The following CMTM4 variants were observed in gnomAD, a reference collection of about 807,000 sequenced individuals.
The protein encoded by CMTM4 is CKLF-like MARVEL transmembrane domain-containing protein 4.
Under a neutral mutation model 19.0 loss-of-function variants are expected in CMTM4, and 8 were observed. That is an observed-to-expected ratio of 0.42 (90% CI 0.25 to 0.76). CMTM4 has a LOEUF of 0.76. Among genes scored for constraint, CMTM4 ranks in the 30% least tolerant of loss-of-function variants. The pLI, the probability that CMTM4 is intolerant of heterozygous loss-of-function variation, is 0.27. For synonymous variants in CMTM4, 106 were observed against 121.1 expected, an observed-to-expected ratio of 0.88 and a Z score of 0.82; for missense variants, 228 against 290.2, an observed-to-expected ratio of 0.79 and a Z score of 1.56.
downstream of CMTM4, among the ~76,000 whole-genome samples, chr16:66,610,585 A>G (rs1267033280): frequency 6.6e-6 from 1 of 152,128 alleles, no homozygotes; most frequent in Non-Finnish European, 1.5e-5. The surrounding 1 kb of genome is among the most constrained non-coding windows in gnomAD (Gnocchi z 4.6). Flanking sequence ...AGAGCTGGGT[A>G]CTGACAGATG....
intron 2 of CMTM4, among the ~76,000 whole-genome samples, chr16:66,629,358 G>C (rs988394459): frequency 6.6e-6 from 1 of 152,114 alleles, no homozygotes; most frequent in Non-Finnish European, 1.5e-5. Flanking sequence ...TAATGTTGAT[G>C]ACAGTAGCAG....
intron 1 of CMTM4, among the ~76,000 whole-genome samples, chr16:66,643,522 T>C (rs560831521): frequency 6.6e-6 from 1 of 152,184 alleles, no homozygotes; most frequent in Non-Finnish European, 1.5e-5. Context: ...ATTCTTCAGA[T>C]CATCAAATGC....
intron 1 of CMTM4, among the ~76,000 whole-genome samples, chr16:66,656,619 C>T (rs1165759663): frequency 1.3e-5 from 2 of 151,522 alleles, no homozygotes; most frequent in Non-Finnish European, 1.5e-5. Context: ...AAAGTATCTT[C>T]CCACACACAA....
rs942680550 is a variant in CMTM4, at chr16:66,621,711, T to A, written c.*347A>T. On this transcript the variant is annotated 3_prime_UTR_variant, in exon 4 of 4. Coordinates refer to ENST00000394106, the MANE Select transcript of CMTM4 (RefSeq NM_181521.3). ...ATGCTGTCCCTTCATTCCTTCATATTTCCCCCCTCTTAGCAGCCCCATTTA... is the reference window on the plus strand; with the variant it reads ...ATGCTGTCCCTTCATTCCTTCATATATCCCCCCTCTTAGCAGCCCCATTTA... The A allele has an allele frequency of 9.3e-6, 10 of 1,080,686 alleles. No homozygotes were observed. Among genetic ancestry groups the A allele is most frequent in the African/African-American group, 1.6e-5 (1 of 61,820 alleles). The allele number at this position is 1,080,686 out of a possible 1,614,324, so 66.9% of individuals were successfully genotyped here. A position where few individuals can be genotyped will look rare whatever the true frequency, so the allele number is the denominator to read the frequency against.
intron 1 of CMTM4, among the ~76,000 whole-genome samples, chr16:66,688,301 T>C (rs1001357303): frequency 1.3e-5 from 2 of 152,130 alleles, no homozygotes; most frequent in Admixed American, 1.3e-4. Context: ...ATTCAGACCA[T>C]AGCAACCTCC....
rs2015639998 is a variant in CMTM4, at chr16:66,621,775, T to C, written c.*283A>G. 7.9e-7 allele frequency: 1 copy of C among 1,266,676 alleles called. No individual in the cohort carries two copies. Among genetic ancestry groups the C allele is most frequent in the African/African-American group, 1.5e-5 (1 of 67,120 alleles). 78.5% of individuals were successfully genotyped at this position (1,266,676 alleles called of 1,614,324 possible). On this transcript the variant is annotated 3_prime_UTR_variant, in exon 4 of 4. Transcript: ENST00000394106. ...TTACAAATACACACGACAAGGTGGC[T>C]CAGAGTCAAAGGAAGCCTGTGCTTC... is the stretch of plus-strand genomic sequence containing the variant.
chr16:66,608,452 C>T, the CMTM4 span: 1 of 1,613,952 alleles, frequency 6.2e-7, no homozygotes. This position sits in a 1 kb window ranked among gnomAD's most constrained non-coding sequence, Gnocchi z 5.1. Flanking sequence ...AGGGCTTGTG[C>T]TGGCCCATGA....
At position 66,660,605 on chromosome 16, in the gene CMTM4, C is replaced by A. The variant is rs554660840; in HGVS notation, c.187-24024G>T. Among the ~76,000 whole-genome samples the A allele has an allele frequency of 2.0e-5, 3 of 152,254 alleles. No homozygotes were observed. The East Asian group carries it at 5.8e-4, about 29-fold the overall frequency. The stretch of plus-strand genomic sequence containing the variant: ...TACACACAATGTGACTAGTGTTCAT[C>A]TCTGATGAGTAAGATACTAGGACAT... On this transcript the variant is annotated intron_variant, in intron 1 of 3. Transcript: ENST00000394106.
chr16:66,641,488 G>C (rs948048409), intron 1 of CMTM4, among the ~76,000 whole-genome samples: 1 of 152,076 alleles, frequency 6.6e-6, no homozygotes, highest in African/African-American at 2.4e-5. Flanking sequence ...ACACCTTATA[G>C]GCACTTCTTG....
intron 1 of CMTM4, among the ~76,000 whole-genome samples, chr16:66,673,334 A>G (rs960392065): frequency 1.3e-5 from 2 of 151,678 alleles, no homozygotes; most frequent in African/African-American, 4.8e-5. Flanking sequence ...CAGCCTCCCA[A>G]GTAGCTGGGA....
downstream of CMTM4, chr16:66,613,206 C>T: frequency 1.4e-6 from 1 of 693,608 alleles, no homozygotes; most frequent in Non-Finnish European, 2.6e-6. Context: ...TGCCTTGTCG[C>T]CCAGGAAGTG....
chr16:66,612,216 A>G (rs183388369), downstream of CMTM4, among the ~76,000 whole-genome samples: 1 of 152,204 alleles, frequency 6.6e-6, no homozygotes, highest in Non-Finnish European at 1.5e-5. The surrounding 1 kb of genome is among the most constrained non-coding windows in gnomAD (Gnocchi z 6.0). Context: ...GGAGTTCAAG[A>G]CCAGCCTGGT....
chr16:66,663,880 TTC>T (rs2016545166), intron 1 of CMTM4, among the ~76,000 whole-genome samples: 1 of 152,118 alleles, frequency 6.6e-6, no homozygotes, highest in Non-Finnish European at 1.5e-5. Context: ...AGCTGAGACT[TTC>T]TGTCTTTCTA....
In CMTM4 at chr16:66,618,678, T is replaced by G; in HGVS notation, c.*3380A>C. 2.0e-6 allele frequency: 2 copies of G among 985,508 alleles called. No homozygotes were observed. The highest frequency in any genetic ancestry group is 2.4e-6 in the Non-Finnish European group (2 of 829,960). 61.0% of individuals were successfully genotyped at this position (985,508 alleles called of 1,614,324 possible). The stretch of plus-strand genomic sequence containing the variant: ...GTGTTGGAGCTTGGTCTCCTCAGGC[T>G]TAACCCAAGGCTGACTCACTAGGAC... On this transcript the variant is annotated 3_prime_UTR_variant, in exon 4 of 4. Transcript: ENST00000394106.
Position 66,696,356 on chromosome 16 carries a change from A to G in CMTM4, c.170T>C (p.Leu57Pro). 1 of 1,416,832 alleles carries G rather than the reference A, an allele frequency of 7.1e-7. No individual in the cohort carries two copies. The highest frequency in any genetic ancestry group is 9.2e-7 in the Non-Finnish European group (1 of 1,087,012). The allele number at this position is 1,416,832 out of a possible 1,614,324, so 87.8% of individuals were successfully genotyped here. The change falls in exon 1 of 4, where the codon CTC becomes CCC. Residue 57 changes from leucine (L) to proline (P), a missense_variant. Coordinates refer to ENST00000394106, the MANE Select transcript of CMTM4 (RefSeq NM_181521.3). This position sits in a 1 kb window ranked among gnomAD's most constrained non-coding sequence, Gnocchi z 4.3. ...PDYLRGALGR[L>P]KVAQVILALI... ...GGCACCTACCACTTGGGCGACCTTG[A>G]GGCGGCCGAGCGCGCCGCGCAGGTA...
chr16:66,619,646 C>A lies in CMTM4; in HGVS notation c.*2412G>T. On this transcript the variant is annotated 3_prime_UTR_variant, in exon 4 of 4. Coordinates refer to ENST00000394106, the MANE Select transcript of CMTM4 (RefSeq NM_181521.3). Reference sequence around the variant, plus strand: ...CATATTCACCTTGGATAACCCTATTCCCTCCAGAACTTTCGTCACCACGTG... The same window carrying A: ...CATATTCACCTTGGATAACCCTATTACCTCCAGAACTTTCGTCACCACGTG... 1.0e-6 allele frequency: 1 copy of A among 985,316 alleles called. No individual in the cohort carries two copies. The highest frequency in any genetic ancestry group is 1.2e-6 in the Non-Finnish European group (1 of 829,924). The allele number at this position is 985,316 out of a possible 1,614,324, so 61.0% of individuals were successfully genotyped here.
At position 66,615,671 on chromosome 16, in the gene CMTM4, C is replaced by T. The variant is rs2144767975; in HGVS notation, c.*6387G>A. 6.6e-6 allele frequency: 1 copy of T among 152,364 alleles called. No individual in the cohort carries two copies. The highest frequency in any genetic ancestry group is 2.1e-4 in the South Asian group (1 of 4,824). The allele number at this position is 152,364 out of a possible 1,614,324, so 9.4% of individuals were successfully genotyped here. A position where few individuals can be genotyped will look rare whatever the true frequency, so the allele number is the denominator to read the frequency against. ...AGGAAGGCCATGCCTCTGCAGGACG[C>T]TCGCACTGATTCTGGAAGGGGCCCA... On this transcript the variant is annotated 3_prime_UTR_variant, in exon 4 of 4. Coordinates refer to ENST00000394106, the MANE Select transcript of CMTM4 (RefSeq NM_181521.3). The surrounding 1 kb of genome is among the most constrained non-coding windows in gnomAD (Gnocchi z 4.9).
At chr16:66,648,829 G>A (rs1225858659) in intron 1 of CMTM4, among the ~76,000 whole-genome samples, 1 of 152,032 alleles carries the variant, frequency 6.6e-6, no homozygotes, top group East Asian at 1.9e-4. Flanking sequence ...AAAACTAGCT[G>A]GGTGTGGTAG....
chr16:66,609,050 T>C, the CMTM4 span, among the ~76,000 whole-genome samples: 1 of 152,192 alleles, frequency 6.6e-6, no homozygotes, highest in East Asian at 1.9e-4. This position sits in a 1 kb window ranked among gnomAD's most constrained non-coding sequence, Gnocchi z 4.4. Context: ...GGTCCATGAA[T>C]GGATCGGCCA....
Sources: gnomAD v4.1 joint callset for allele counts (sites outside exome capture counted in the v4.1 genomes callset) on GRCh38, gnomAD v4.1.1 for gene constraint, Gnocchi (gnomAD v3.1) non-coding constraint, MANE v1.5 for transcripts, NCBI Gene and HGNC (gene_info 2026-07-23, HGNC 2026-07-21) for gene names.